BLTP3B: variants seen among roughly 807,000 people sequenced by gnomAD.
BLTP3B encodes the protein bridge-like lipid transfer protein family member 3B.
chr12:100,111,468 T>C, the BLTP3B span, among the ~76,000 whole-genome samples: 1 of 151,898 alleles, frequency 6.6e-6, no homozygotes, highest in Non-Finnish European at 1.5e-5. Flanking sequence ...TTAATTTACT[T>C]TGAGACAGGG....
chr12:100,120,221 A>G, the BLTP3B span, among the ~76,000 whole-genome samples: 4 of 152,076 alleles, frequency 2.6e-5, no homozygotes, highest in African/African-American at 9.7e-5. Context: ...TACTAAAAAT[A>G]CAAAAATTAG....
At chr12:100,058,010 G>A in the BLTP3B span, 1 of 1,538,850 alleles carries the variant, frequency 6.5e-7, no homozygotes, top group Admixed American at 2.3e-5. Flanking sequence ...TTTTAAAAAG[G>A]CCAATAAAAT....
the BLTP3B span, among the ~76,000 whole-genome samples, chr12:100,064,992 T>C: frequency 6.6e-6 from 1 of 151,374 alleles, no homozygotes; most frequent in African/African-American, 2.4e-5. Context: ...GTGGCCTAAA[T>C]GCTCCACTTA....
chr12:100,039,384 A>G, the BLTP3B span, among the ~76,000 whole-genome samples: 1 of 152,184 alleles, frequency 6.6e-6, no homozygotes, highest in African/African-American at 2.4e-5. Flanking sequence ...TCACAAAAAT[A>G]CTGAGATAGC....
At chr12:100,057,905 T>C in the BLTP3B span, 1 of 1,310,684 alleles carries the variant, frequency 7.6e-7, no homozygotes, top group Non-Finnish European at 1.0e-6. Context: ...ACATCTACTC[T>C]TCTACATGTT....
At chr12:100,131,030 A>AGAGG in the BLTP3B span, among the ~76,000 whole-genome samples, 2 of 126,260 alleles carry the variant, frequency 1.6e-5, no homozygotes, top group Non-Finnish European at 3.3e-5. Context: ...AGAGAGAGAG[A>AGAGG]GAGAAAGAGT....
At chr12:100,095,079 A>G in the BLTP3B span, among the ~76,000 whole-genome samples, 12 of 152,358 alleles carry the variant, frequency 7.9e-5, no homozygotes, top group Non-Finnish European at 1.3e-4. Context: ...TGTCTCTTCT[A>G]TAAAGACCTT....
At chr12:100,041,531 G>A in the BLTP3B span, among the ~76,000 whole-genome samples, 1 of 149,704 alleles carries the variant, frequency 6.7e-6, no homozygotes, top group East Asian at 2.0e-4. Flanking sequence ...CCGCCTCCTG[G>A]GTTCAAGTGA....
chr12:100,085,784 A>G, the BLTP3B span, among the ~76,000 whole-genome samples: 1 of 152,096 alleles, frequency 6.6e-6, no homozygotes, highest in Admixed American at 6.6e-5. Context: ...ATTTGGGAGA[A>G]AGAATCTACC....
chr12:100,115,348 G>A, the BLTP3B span, among the ~76,000 whole-genome samples: 1 of 152,210 alleles, frequency 6.6e-6, no homozygotes, highest in Non-Finnish European at 1.5e-5. Context: ...AGAGGTTGCA[G>A]TGAGCTGAGA....
the BLTP3B span, chr12:100,142,548 T>G: frequency 1.3e-6 from 2 of 1,596,066 alleles, no homozygotes; most frequent in South Asian, 1.1e-5. Context: ...CAGTGCGGGC[T>G]GGGGTGGAGG....
chr12:100,103,387 G>A, the BLTP3B span, among the ~76,000 whole-genome samples: 21 of 151,920 alleles, frequency 1.4e-4, no homozygotes, highest in Non-Finnish European at 2.8e-4. Flanking sequence ...GTCCTTAATC[G>A]CCATCACTAA....
the BLTP3B span, among the ~76,000 whole-genome samples, chr12:100,125,918 G>C: frequency 6.6e-6 from 1 of 152,078 alleles, no homozygotes; most frequent in Non-Finnish European, 1.5e-5. Flanking sequence ...AATAAAAATG[G>C]CAACAGGATA....
At chr12:100,140,730 ATATATATAT>A in the BLTP3B span, among the ~76,000 whole-genome samples, 2 of 61,826 alleles carry the variant, frequency 3.2e-5, no homozygotes, top group African/African-American at 1.9e-4. Flanking sequence ...AAAAAAAAAA[ATATATATAT>A]ATATATATAT....
At chr12:100,123,080 C>T in the BLTP3B span, among the ~76,000 whole-genome samples, 4 of 152,144 alleles carry the variant, frequency 2.6e-5, no homozygotes, top group African/African-American at 7.2e-5. Flanking sequence ...AATTACTTGC[C>T]TTCTTACATG....
chr12:100,065,559 C>T, the BLTP3B span, among the ~76,000 whole-genome samples: 25 of 152,216 alleles, frequency 1.6e-4, no homozygotes, highest in East Asian at 3.1e-3. Flanking sequence ...CTGTCTTATG[C>T]GGTTGAGATA....
At chr12:100,140,020 T>C in the BLTP3B span, among the ~76,000 whole-genome samples, 1 of 152,216 alleles carries the variant, frequency 6.6e-6, no homozygotes, top group South Asian at 2.1e-4. Flanking sequence ...TGGTAAACTA[T>C]ATTCTACTGT....
At chr12:100,067,091 C>A in the BLTP3B span, among the ~76,000 whole-genome samples, 2 of 152,098 alleles carry the variant, frequency 1.3e-5, no homozygotes, top group African/African-American at 4.8e-5. Flanking sequence ...TGAATGATCA[C>A]TGGGTCAAAA....
the BLTP3B span, chr12:100,050,341 T>C: frequency 6.3e-7 from 1 of 1,581,780 alleles, no homozygotes; most frequent in South Asian, 1.2e-5. Context: ...GCATAAATAA[T>C]ATTAGTATGC....
Sources: allele counts gnomAD v4.1 joint callset (sites outside exome capture counted in the v4.1 genomes callset), GRCh38; gene constraint gnomAD v4.1.1; transcripts MANE v1.5; gene names NCBI Gene and HGNC (gene_info 2026-07-23, HGNC 2026-07-21).